PTPRD: variants seen among roughly 807,000 people sequenced by gnomAD.
The protein encoded by PTPRD is protein tyrosine phosphatase receptor type D, also known as receptor-type tyrosine-protein phosphatase delta.
In PTPRD, 34 loss-of-function variants were observed where a neutral mutation model predicts 214.5. The observed-to-expected ratio is 0.16, with a 90% CI of 0.12 to 0.21. The LOEUF is 0.21. PTPRD is among the 10% of genes least tolerant of loss of function. The pLI is 1.00. For synonymous variants in PTPRD, 1,128 were observed against 845.7 expected (o/e 1.33, Z -5.79); for missense variants, 2,545 against 2,398.7 (o/e 1.06, Z -1.27).
intron 12 of PTPRD, among the ~76,000 whole-genome samples, chr9:8,700,267 A>G (rs1258839843): frequency 6.6e-6 from 1 of 152,216 alleles, no homozygotes; most frequent in African/African-American, 2.4e-5. Flanking sequence ...ATGCATCTAA[A>G]TTATTATTTA....
intron 11 of PTPRD, among the ~76,000 whole-genome samples, chr9:8,898,029 G>C (rs1451037187): frequency 4.6e-5 from 7 of 152,054 alleles, no homozygotes; most frequent in African/African-American, 1.7e-4. Flanking sequence ...CTGAAATATG[G>C]TCACCATTAA....
At chr9:9,153,892 T>C (rs373873411) in intron 10 of PTPRD, among the ~76,000 whole-genome samples, 3 of 152,138 alleles carry the variant, frequency 2.0e-5, no homozygotes, top group East Asian at 3.8e-4. Flanking sequence ...CTGATTTAGG[T>C]TGTTAACTAG....
chr9:8,584,754 C>T (rs904197812), intron 14 of PTPRD, among the ~76,000 whole-genome samples: 10 of 152,136 alleles, frequency 6.6e-5, no homozygotes, highest in African/African-American at 2.4e-4. Context: ...CAAATGGAGA[C>T]ATACCTGAGA....
At position 9,459,848 on chromosome 9, in the gene PTPRD, A is replaced by G. The variant is rs1475849373; in HGVS notation, c.-236-62366T>C. Among the ~76,000 whole-genome samples, 5 of 152,122 alleles carry G rather than the reference A, an allele frequency of 3.3e-5. No homozygotes were observed. The East Asian group carries it at 7.7e-4, about 23-fold the overall frequency. On this transcript the variant is annotated intron_variant, in intron 8 of 45. Transcript: ENST00000381196. ...TCACAGATTTAGCAAGAGCAATTCA[A>G]AAATTCATATGGAACCCAAAAAGAG... is the stretch of plus-strand genomic sequence containing the variant.
chr9:9,669,812 C>T (rs1015014407), intron 7 of PTPRD, among the ~76,000 whole-genome samples: 12 of 151,830 alleles, frequency 7.9e-5, no homozygotes, highest in African/African-American at 2.9e-4. Flanking sequence ...CATGTATATA[C>T]ATATTAAAAT....
At chr9:9,677,605 C>T (rs1412138725) in intron 7 of PTPRD, among the ~76,000 whole-genome samples, 1 of 152,020 alleles carries the variant, frequency 6.6e-6, no homozygotes, top group Non-Finnish European at 1.5e-5. Flanking sequence ...AACCCACAGC[C>T]AGTATCATAC....
intron 11 of PTPRD, among the ~76,000 whole-genome samples, chr9:8,911,995 C>G (rs138424895): frequency 4.3e-4 from 66 of 152,204 alleles, no homozygotes; most frequent in Admixed American, 1.8e-3. Flanking sequence ...TTCAAAAAGA[C>G]TAACAGTAAC....
At chr9:8,782,907 T>C (rs1161044305) in intron 11 of PTPRD, among the ~76,000 whole-genome samples, 1 of 152,108 alleles carries the variant, frequency 6.6e-6, no homozygotes, top group Admixed American at 6.5e-5. Context: ...ACACTTCTTT[T>C]TCATGTGAAA....
intron 11 of PTPRD, among the ~76,000 whole-genome samples, chr9:8,837,272 C>T (rs2097449958): frequency 1.3e-5 from 2 of 151,128 alleles, no homozygotes; most frequent in Middle Eastern, 3.6e-3. Flanking sequence ...GCCTTGGCCT[C>T]CCGAAGTGCT....
chr9:8,314,482 C>T lies in PTPRD; in HGVS notation c.*3392G>A, dbSNP rs539065498. The stretch of plus-strand genomic sequence containing the variant: ...AATTTTTCAGTCTATGCATCCAAAA[C>T]GAGAGCAAAGAACACAACTGTTATT... On this transcript the variant is annotated 3_prime_UTR_variant, in exon 46 of 46. Transcript: ENST00000381196. The T allele has an allele frequency of 3.5e-5, 8 of 231,448 alleles. No homozygotes were observed. Among genetic ancestry groups the T allele is most frequent in the African/African-American group, 8.8e-5 (4 of 45,268 alleles). The allele number at this position is 231,448 out of a possible 1,614,324, so 14.3% of individuals were successfully genotyped here. A position where few individuals can be genotyped will look rare whatever the true frequency, so the allele number is the denominator to read the frequency against.
intron 2 of PTPRD, among the ~76,000 whole-genome samples, chr9:10,556,290 A>G (rs962942877): frequency 6.6e-6 from 1 of 152,026 alleles, no homozygotes; most frequent in Non-Finnish European, 1.5e-5. Context: ...AATAATTCGA[A>G]ATTTTACAAT....
chr9:10,199,490 T>C (rs893128974), intron 3 of PTPRD, among the ~76,000 whole-genome samples: 1 of 152,044 alleles, frequency 6.6e-6, no homozygotes, highest in Non-Finnish European at 1.5e-5. Context: ...TCTTGCTTTA[T>C]CTTCTAATCA....
chr9:10,056,504 AC>A (rs1489248772), intron 3 of PTPRD, among the ~76,000 whole-genome samples: 1 of 152,128 alleles, frequency 6.6e-6, no homozygotes, highest in African/African-American at 2.4e-5. Flanking sequence ...AATTAAAAAA[AC>A]AAACATTTTA....
At chr9:10,590,501 A>G (rs560195106) in intron 2 of PTPRD, among the ~76,000 whole-genome samples, 50 of 152,140 alleles carry the variant, frequency 3.3e-4, no homozygotes, top group Middle Eastern at 6.8e-3. Context: ...ACAACTACTG[A>G]TCTCATTTCT....
chr9:10,541,785 A>C lies in PTPRD; in HGVS notation c.-600+70613T>G, dbSNP rs553006495. Among the ~76,000 whole-genome samples the C allele has an allele frequency of 2.0e-5, 3 of 152,066 alleles. No homozygotes were observed. In the East Asian group the frequency reaches 5.8e-4, roughly 29 times the overall value. On this transcript the variant is annotated intron_variant, in intron 2 of 45. Transcript: ENST00000381196. ...GGTAATATAAAGATACATTTATAAT[A>C]TGTAGCCTATTGCATGCAACTGAAG...
chr9:8,765,559 T>A (rs1371146529), intron 11 of PTPRD, among the ~76,000 whole-genome samples: 2 of 152,112 alleles, frequency 1.3e-5, no homozygotes, highest in African/African-American at 4.8e-5. Flanking sequence ...TACAAGCCAA[T>A]ATTCCCCCAG....
chr9:9,678,471 C>T (rs1023351321), intron 7 of PTPRD, among the ~76,000 whole-genome samples: 2 of 151,662 alleles, frequency 1.3e-5, no homozygotes, highest in Non-Finnish European at 2.9e-5. Context: ...AATGGGGAAA[C>T]GATTCCCAGT....
intron 3 of PTPRD, among the ~76,000 whole-genome samples, chr9:10,169,344 G>C (rs952781936): frequency 6.6e-6 from 1 of 151,238 alleles, no homozygotes; most frequent in Non-Finnish European, 1.5e-5. Flanking sequence ...CGTGGTGGCG[G>C]GCACCTGTAA....
chr9:9,592,749 C>G (rs1158099780), intron 7 of PTPRD, among the ~76,000 whole-genome samples: 1 of 151,864 alleles, frequency 6.6e-6, no homozygotes, highest in Non-Finnish European at 1.5e-5. Context: ...TCAATAGCAA[C>G]AGGATTATAT....
Sources: gnomAD v4.1 joint callset for allele counts (sites outside exome capture counted in the v4.1 genomes callset) on GRCh38, gnomAD v4.1.1 for gene constraint, MANE v1.5 for transcripts, NCBI Gene and HGNC (gene_info 2026-07-23, HGNC 2026-07-21) for gene names.